PPEF2: variants seen among roughly 807,000 people sequenced by gnomAD.
PPEF2 encodes the protein serine/threonine-protein phosphatase with EF-hands 2.
In PPEF2, 84 loss-of-function variants were observed where a neutral mutation model predicts 84.7. That is an observed-to-expected ratio of 0.99 (90% CI 0.83 to 1.19). The LOEUF (loss-of-function observed/expected upper bound fraction) is 1.19, where lower values mean the gene tolerates loss of function less well. Ranked by LOEUF, PPEF2 falls within the 50% of genes most tolerant of loss-of-function variation. The pLI is 0.00. For missense variants in PPEF2, 924 were observed against 937.5 expected (o/e 0.99, Z 0.19); for synonymous variants, 346 against 345.2 (o/e 1.00, Z -0.03).
intron 1 of PPEF2, among the ~76,000 whole-genome samples, chr4:75,900,734 TCTC>T (rs1725101564): frequency 1.3e-5 from 2 of 152,244 alleles, no homozygotes; most frequent in East Asian, 3.9e-4. Flanking sequence ...TTAAAGTTCT[TCTC>T]CTCCTCAGAT....
intron 11 of PPEF2, among the ~76,000 whole-genome samples, chr4:75,875,145 T>A (rs533631915): frequency 3.3e-5 from 5 of 152,250 alleles, no homozygotes; most frequent in Admixed American, 1.3e-4. Flanking sequence ...GACCTCGTGA[T>A]CCGCCTGTCT....
chr4:75,888,235 T>G lies in PPEF2; in HGVS notation c.511A>C (p.Ser171Arg). The change falls in exon 6 of 17, where the codon AGT becomes CGT. Residue 171 changes from serine to arginine, a missense_variant. Coordinates refer to ENST00000286719, the MANE Select transcript of PPEF2 (RefSeq NM_006239.3). Reference sequence around the variant, plus strand: ...TTACCACACACTGTGATCTCCTCACTGTAACAGGTTGAGACCCGGTTGATG... The same window carrying G: ...TTACCACACACTGTGATCTCCTCACGGTAACAGGTTGAGACCCGGTTGATG... ...PNINRVSTCY[S>R]EEITVCGDLH... 1 of 1,612,930 alleles carries G rather than the reference T, an allele frequency of 6.2e-7. No individual in the cohort carries two copies. Among genetic ancestry groups the G allele is most frequent in the African/African-American group, 1.3e-5 (1 of 75,028 alleles).
chr4:75,890,235 C>A (rs1724844935), intron 4 of PPEF2, 103 bp from the exon 5 acceptor site: 2 of 1,312,086 alleles, frequency 1.5e-6, no homozygotes, highest in South Asian at 2.8e-5. Context: ...TCTCTAATCC[C>A]AGAAATTTGC....
intron 10 of PPEF2, among the ~76,000 whole-genome samples, chr4:75,880,368 C>T (rs573866206): frequency 5.3e-5 from 8 of 152,192 alleles, no homozygotes; most frequent in African/African-American, 1.9e-4. Context: ...GATAGTCTGA[C>T]TCTGGAGCCC....
At chr4:75,887,126 A>G (rs951300931) in intron 6 of PPEF2, among the ~76,000 whole-genome samples, 2 of 152,242 alleles carry the variant, frequency 1.3e-5, no homozygotes, top group Admixed American at 1.3e-4. Context: ...TAAATGAGCT[A>G]CATTTTTATT....
rs1455968121 is a variant in PPEF2 at position 75,860,808 on chromosome 4, G to A, written c.2121C>T (p.Asn707=). ...CATTGATATCAATGTGGCCATCTTT[G>A]TTGAAATCAATGCTCCGAGCAAGGT... is the stretch of plus-strand genomic sequence containing the variant. ...ICDLARSIDF[N]KDGHIDINEF... The change falls in exon 17 of 17, where the codon AAC becomes AAT. Residue 707 remains asparagine (N), a synonymous_variant. Transcript: ENST00000286719. The A allele has an allele frequency of 2.5e-5, 40 of 1,614,120 alleles. No homozygotes were observed. Among genetic ancestry groups the A allele is most frequent in the Non-Finnish European group, 3.4e-5 (40 of 1,180,056 alleles).
intron 11 of PPEF2, among the ~76,000 whole-genome samples, chr4:75,874,399 G>A (rs1310848684): frequency 3.3e-5 from 5 of 151,626 alleles, no homozygotes; most frequent in Admixed American, 6.6e-5. Context: ...AGGTTCAAGC[G>A]ATTCTCCTGC....
In PPEF2 at chr4:75,866,804, G is replaced by A. The variant is rs144029042; in HGVS notation, c.1757-452C>T. Among the ~76,000 whole-genome samples the A allele has an allele frequency of 6.8e-4, 104 of 152,224 alleles. No individual in the cohort carries two copies. In the East Asian group the frequency reaches 0.018, roughly 26 times the overall value. On this transcript the variant is annotated intron_variant, in intron 14 of 16. Coordinates refer to ENST00000286719, the MANE Select transcript of PPEF2 (RefSeq NM_006239.3). Reference sequence around the variant, plus strand: ...TTAGAATATATCCACTGAAACTCTTGGAAGGCTACAGTATGTGTACGTGAA... The same window carrying A: ...TTAGAATATATCCACTGAAACTCTTAGAAGGCTACAGTATGTGTACGTGAA...
chr4:75,897,039 G>C (rs1725026816), intron 1 of PPEF2, among the ~76,000 whole-genome samples: 1 of 152,032 alleles, frequency 6.6e-6, no homozygotes, highest in African/African-American at 2.4e-5. Context: ...ATTTTTAGTA[G>C]AGACGGGGTT....
chr4:75,876,130 C>T (rs571648489), intron 11 of PPEF2, among the ~76,000 whole-genome samples, 157 bp downstream of exon 11: 1 of 152,302 alleles, frequency 6.6e-6, no homozygotes, highest in East Asian at 1.9e-4. Flanking sequence ...AACTCTAAAA[C>T]ATATGAGTCA....
At chr4:75,882,710 ACTGGTCTCAAACTC>A (rs1724608601) in intron 10 of PPEF2, 2 of 493,612 alleles carry the variant, frequency 4.1e-6, no homozygotes, top group Non-Finnish European at 7.0e-6. Flanking sequence ...TGTTGCCCAG[ACTGGTCTCAAACTC>A]CTGGTCTCAA....
At position 75,889,938 on chromosome 4, in the gene PPEF2, G is replaced by C. The variant is rs774032063; in HGVS notation, c.417+19C>G. 6.8e-6 allele frequency: 11 copies of C among 1,613,404 alleles called. No individual in the cohort carries two copies. Among genetic ancestry groups the C allele is most frequent in the Non-Finnish European group, 8.5e-6 (10 of 1,179,430 alleles). On this transcript the variant is annotated intron_variant, in intron 5 of 16. Coordinates refer to ENST00000286719, the MANE Select transcript of PPEF2 (RefSeq NM_006239.3). ...TTTCATGGAGTTGGTAGTGACCCAG[G>C]TTCCCCAGGTGAGCTTACTTGTTTC...
chr4:75,884,469 C>T, intron 8 of PPEF2, 125 bp downstream of exon 8: 1 of 1,154,652 alleles, frequency 8.7e-7, no homozygotes. Context: ...ACTGTGTATT[C>T]TGCTTTTTAA....
chr4:75,886,735 AAAT>A, intron 7 of PPEF2, 114 bp downstream of exon 7: 1 of 524,374 alleles, frequency 1.9e-6, no homozygotes, highest in Non-Finnish European at 3.2e-6. Flanking sequence ...AAATAAAAAT[AAAT>A]AATAATATTT....
intron 1 of PPEF2, among the ~76,000 whole-genome samples, chr4:75,899,718 A>G (rs1336332782): frequency 2.0e-5 from 3 of 152,206 alleles, no homozygotes; most frequent in South Asian, 4.1e-4. Context: ...TCCTAGTTCT[A>G]TGAGATGTCA....
chr4:75,896,440 G>A (rs1725012431), intron 1 of PPEF2, 57 bp from the exon 2 acceptor site: 1 of 1,151,364 alleles, frequency 8.7e-7, no homozygotes, highest in African/African-American at 1.5e-5. Flanking sequence ...ATTAAATCGG[G>A]TGGGCCAAAT....
chr4:75,896,197 G>A lies in PPEF2; in HGVS notation c.55+74C>T, dbSNP rs900408820. The A allele has an allele frequency of 2.6e-6, 4 of 1,523,090 alleles. No individual in the cohort carries two copies. In the African/African-American group the frequency reaches 5.5e-5, roughly 21 times the overall value. 94.3% of individuals were successfully genotyped at this position (1,523,090 alleles called of 1,614,324 possible). On this transcript the variant is annotated intron_variant, in intron 2 of 16. Coordinates refer to ENST00000286719, the MANE Select transcript of PPEF2 (RefSeq NM_006239.3). ...AAGGGTTTTTCTGCTTCTACCCTCA[G>A]AACCCCCAACCCTCTCCATGCAATA...
Position 75,891,647 on chromosome 4 carries a change from C to T in PPEF2, c.241+1G>A. ...CATGACATGTGGCAGTTCATACTCA[C>T]TGTCGTTGTGGCTGCTGGGGATGAA... On this transcript the variant is annotated splice_donor_variant, in intron 4 of 16. Coordinates refer to ENST00000286719, the MANE Select transcript of PPEF2 (RefSeq NM_006239.3). LOFTEE classifies it high-confidence loss of function. 6.2e-7 allele frequency: 1 copy of T among 1,607,056 alleles called. No individual in the cohort carries two copies. The highest frequency in any genetic ancestry group is 8.5e-7 in the Non-Finnish European group (1 of 1,177,172).
At chr4:75,871,998 TGAAA>T in intron 13 of PPEF2, 23 bp downstream of exon 13, 1 of 1,553,366 alleles carries the variant, frequency 6.4e-7, no homozygotes, top group African/African-American at 1.4e-5. Context: ...TTTTTTTTTC[TGAAA>T]ATCACTCATT....
Sources: allele counts gnomAD v4.1 joint callset (sites outside exome capture counted in the v4.1 genomes callset), GRCh38; gene constraint gnomAD v4.1.1; transcripts MANE v1.5; gene names NCBI Gene and HGNC (gene_info 2026-07-23, HGNC 2026-07-21).